HECW1: variants seen among roughly 807,000 people sequenced by gnomAD.
HECW1 encodes the protein HECT, C2 and WW domain containing E3 ubiquitin protein ligase 1.
A neutral mutation model predicts 182.3 loss-of-function variants in HECW1; 61 were observed. That is an observed-to-expected ratio of 0.33 (90% CI 0.27 to 0.41). HECW1 has a LOEUF of 0.41. HECW1 is among the 10% of genes least tolerant of loss of function. HECW1 has a pLI of 1.00. For synonymous variants in HECW1, 859 were observed against 832.6 expected (o/e 1.03, Z -0.55); for missense variants, 1,739 against 2,108.9 (o/e 0.82, Z 3.44).
chr7:43,291,869 C>A (rs1052979438), intron 3 of HECW1, among the ~76,000 whole-genome samples: 1 of 152,150 alleles, frequency 6.6e-6, no homozygotes, highest in Non-Finnish European at 1.5e-5. Flanking sequence ...TAAATAACAT[C>A]GTTCTCCAAT....
intron 24 of HECW1, among the ~76,000 whole-genome samples, chr7:43,540,182 C>A (rs1177338438): frequency 2.0e-5 from 3 of 152,048 alleles, no homozygotes; most frequent in African/African-American, 7.2e-5. Flanking sequence ...GAGTAGGAAA[C>A]CCTCTGAGTC....
At chr7:43,370,942 C>T (rs1047246019) in intron 6 of HECW1, among the ~76,000 whole-genome samples, 2 of 148,946 alleles carry the variant, frequency 1.3e-5, no homozygotes, top group African/African-American at 5.0e-5. Context: ...GGCTGGAGTG[C>T]AGTGGCGCAA....
intron 13 of HECW1, among the ~76,000 whole-genome samples, chr7:43,463,345 C>G (rs2077652130): frequency 6.6e-6 from 1 of 152,154 alleles, no homozygotes; most frequent in African/African-American, 2.4e-5. Context: ...TTCCCACACT[C>G]TTATTTTAGA....
rs575587690 is a variant in HECW1 at position 43,283,827 on chromosome 7, T to C, written c.28-27936T>C. On this transcript the variant is annotated intron_variant, in intron 3 of 29. Transcript: ENST00000395891. ...GATGCTTTTTTAATGCAGCAATCTA[T>C]TTCCTCCATGTTTTCTGAGAGAAAC... Among the ~76,000 whole-genome samples the C allele has an allele frequency of 5.3e-5, 8 of 152,336 alleles. No homozygotes were observed. In the South Asian group the frequency reaches 1.7e-3, roughly 32 times the overall value.
chr7:43,492,308 CTT>C, intron 18 of HECW1, 128 bp downstream of exon 18: 1 of 671,890 alleles, frequency 1.5e-6, no homozygotes, highest in Non-Finnish European at 2.6e-6. Context: ...CCTTTCTCCT[CTT>C]TTAGGATATA....
chr7:43,359,943 G>T (rs2159721), intron 5 of HECW1, among the ~76,000 whole-genome samples: 1 of 152,048 alleles, frequency 6.6e-6, no homozygotes, highest in Non-Finnish European at 1.5e-5. Flanking sequence ...GTTGGCTACA[G>T]ATCTTGTCCT....
intron 2 of HECW1, among the ~76,000 whole-genome samples, chr7:43,186,406 G>C (rs919233626): frequency 2.0e-5 from 3 of 152,100 alleles, no homozygotes; most frequent in Admixed American, 2.0e-4. Flanking sequence ...AGTGGCTCAC[G>C]GCTATAATCC....
intron 6 of HECW1, among the ~76,000 whole-genome samples, chr7:43,388,686 A>C (rs1200426611): frequency 6.6e-6 from 1 of 152,076 alleles, no homozygotes; most frequent in Non-Finnish European, 1.5e-5. Flanking sequence ...GCAGTGGCAT[A>C]ATCTCAGCTC....
chr7:43,128,460 G>C (rs1583608093), intron 2 of HECW1, among the ~76,000 whole-genome samples: 2 of 152,042 alleles, frequency 1.3e-5, no homozygotes, highest in East Asian at 3.9e-4. Flanking sequence ...TTTATAGCAT[G>C]GTCTACTAAA....
chr7:43,394,517 C>T (rs550696857), intron 6 of HECW1, among the ~76,000 whole-genome samples: 3 of 152,264 alleles, frequency 2.0e-5, no homozygotes, highest in South Asian at 4.1e-4. Flanking sequence ...TCAAATCCAT[C>T]TCCTTGAGCA....
intron 3 of HECW1, among the ~76,000 whole-genome samples, chr7:43,254,157 A>C (rs145808410): frequency 7.2e-5 from 11 of 152,168 alleles, no homozygotes; most frequent in African/African-American, 1.2e-4. Context: ...TAGATGAACA[A>C]TTGCCTGGGA....
At position 43,492,101 on chromosome 7, in the gene HECW1, A is replaced by G; in HGVS notation, c.3261A>G (p.Gly1087=). The part of the protein sequence containing the change: ...GEASEVSRNR[G]ASLLARPGHS... ...CCTCAGAAGTTTCTAGAAACAGAGG[A>G]GCCTCTTTACTGGCCAGGCCAGGAC... The change falls in exon 18 of 30, where the codon GGA becomes GGG. Residue 1087 remains glycine, a synonymous_variant. Transcript: ENST00000395891. 2 of 1,605,418 alleles carry G rather than the reference A, an allele frequency of 1.2e-6. No individual in the cohort carries two copies. Among genetic ancestry groups the G allele is most frequent in the South Asian group, 1.1e-5 (1 of 89,038 alleles).
chr7:43,528,512 C>CA (rs1352635664), intron 24 of HECW1, among the ~76,000 whole-genome samples: 3 of 152,198 alleles, frequency 2.0e-5, no homozygotes, highest in Admixed American at 2.0e-4. Flanking sequence ...TTCGAATGAT[C>CA]AGTTTTACCA....
At chr7:43,153,125 C>G (rs564347453) in intron 2 of HECW1, among the ~76,000 whole-genome samples, 72 of 152,208 alleles carry the variant, frequency 4.7e-4, no homozygotes, top group African/African-American at 1.7e-3. Context: ...GGCTTGTTTC[C>G]TGTTGACTTC....
rs899597468 is a variant in HECW1, at chr7:43,565,189, C to T, written c.*3263C>T. On this transcript the variant is annotated 3_prime_UTR_variant, in exon 30 of 30. Transcript: ENST00000395891. ...GGTCAGGAGAAGTATTCTAAATCTA[C>T]TGAACTCTTTGTAATTTCCTATGTA... is the stretch of plus-strand genomic sequence containing the variant. The T allele has an allele frequency of 2.5e-5, 5 of 201,522 alleles. No homozygotes were observed. The highest frequency in any genetic ancestry group is 1.1e-4 in the African/African-American group (5 of 43,520). The allele number at this position is 201,522 out of a possible 1,614,324, so 12.5% of individuals were successfully genotyped here.
chr7:43,485,123 C>T (rs1392356768), intron 17 of HECW1, among the ~76,000 whole-genome samples: 1 of 152,152 alleles, frequency 6.6e-6, no homozygotes, highest in African/African-American at 2.4e-5. Flanking sequence ...AAAAGCTTGA[C>T]AGTGACTGCC....
rs116992184 is a variant in HECW1 at position 43,361,379 on chromosome 7, G to A, written c.555+399G>A. On this transcript the variant is annotated intron_variant, in intron 6 of 29. Coordinates refer to ENST00000395891, the MANE Select transcript of HECW1 (RefSeq NM_015052.5). ...TTATGTTTTTATTTCTTTTAGTCTT[G>A]TAAATAAATTAATGGAGTAGGATTT... Among the ~76,000 whole-genome samples, 1,519 of 152,074 alleles carry A rather than the reference G, an allele frequency of 1.0e-2. 13 individuals are homozygous for A. Among genetic ancestry groups the A allele is most frequent in the Non-Finnish European group, 0.018 (1,210 of 67,990 alleles).
chr7:43,391,344 C>A (rs1041355468), intron 6 of HECW1, among the ~76,000 whole-genome samples: 1 of 152,210 alleles, frequency 6.6e-6, no homozygotes, highest in African/African-American at 2.4e-5. Flanking sequence ...CTCCCCAGTT[C>A]ATCTGTATCT....
chr7:43,438,195 C>T (rs375235756), intron 9 of HECW1, 50 bp downstream of exon 9: 2 of 1,572,136 alleles, frequency 1.3e-6, no homozygotes, highest in Non-Finnish European at 8.7e-7. Flanking sequence ...ACCAACAGGT[C>T]GTGCCCAAAG....
Sources: allele counts gnomAD v4.1 joint callset (sites outside exome capture counted in the v4.1 genomes callset), GRCh38; gene constraint gnomAD v4.1.1; transcripts MANE v1.5; gene names NCBI Gene and HGNC (gene_info 2026-07-23, HGNC 2026-07-21).